Variants in ANK2 observed in about 807,000 individuals in gnomAD.
The protein encoded by ANK2 is ankyrin 2.
ANK2 carries 83 observed loss-of-function variants against 360.5 expected under a neutral mutation model. That is an observed-to-expected ratio of 0.23 (90% CI 0.19 to 0.28). The LOEUF is 0.28. Among genes scored for constraint, ANK2 ranks in the 10% least tolerant of loss-of-function variants. The pLI is 1.00. For missense variants in ANK2, 4,201 were observed against 4,795.7 expected, an observed-to-expected ratio of 0.88 and a Z score of 3.66; for synonymous variants, 1,740 against 1,759.5, an observed-to-expected ratio of 0.99 and a Z score of 0.28.
chr4:113,135,608 T>G (rs1452506065), intron 1 of ANK2, among the ~76,000 whole-genome samples: 1 of 152,016 alleles, frequency 6.6e-6, no homozygotes, highest in Non-Finnish European at 1.5e-5. Context: ...TATATTTCCC[T>G]GACATTAGCA....
intron 1 of ANK2, among the ~76,000 whole-genome samples, chr4:113,171,772 T>C (rs572907432): frequency 1.3e-5 from 2 of 152,332 alleles, no homozygotes; most frequent in Non-Finnish European, 2.9e-5. Context: ...ATGAAAACTT[T>C]TTGTTACTCT....
chr4:113,001,610 C>G (rs537055336), intron 2 of ANK2, among the ~76,000 whole-genome samples: 31 of 152,266 alleles, frequency 2.0e-4, no homozygotes, highest in African/African-American at 7.2e-4. Context: ...AGTGACCCCT[C>G]ATTCTTTATG....
At chr4:112,927,187 G>T (rs1341944258) in intron 2 of ANK2, among the ~76,000 whole-genome samples, 1 of 152,096 alleles carries the variant, frequency 6.6e-6, no homozygotes, top group Non-Finnish European at 1.5e-5. Context: ...TTTGGGTGGG[G>T]ACACAGCCAA....
At position 113,239,610 on chromosome 4, in the gene ANK2, A is replaced by G. The variant is rs1032185751; in HGVS notation, c.694-875A>G. 5.9e-5 allele frequency among the ~76,000 whole-genome samples: 9 copies of G among 152,278 alleles called. No individual in the cohort carries two copies. In the East Asian group the frequency reaches 1.7e-3, roughly 29 times the overall value. On this transcript the variant is annotated intron_variant, in intron 7 of 45. Transcript: ENST00000357077. Reference sequence around the variant, plus strand: ...ATAAGAAAAGAGTTAACATGCTTCTATTGCAAAGATGGCAACAATTTTCAA... The same window carrying G: ...ATAAGAAAAGAGTTAACATGCTTCTGTTGCAAAGATGGCAACAATTTTCAA...
chr4:113,050,471 G>A (rs2066463944), intron 1 of ANK2, among the ~76,000 whole-genome samples: 1 of 152,116 alleles, frequency 6.6e-6, no homozygotes, highest in East Asian at 1.9e-4. Context: ...TCTTACTGTG[G>A]CATACATTCC....
At chr4:113,110,081 G>T (rs561511689) in intron 1 of ANK2, among the ~76,000 whole-genome samples, 2 of 152,288 alleles carry the variant, frequency 1.3e-5, no homozygotes, top group South Asian at 4.1e-4. Context: ...ATATACCAGA[G>T]ACTGGGTAAT....
At chr4:113,329,607 T>C (rs985342020) in intron 26 of ANK2, among the ~76,000 whole-genome samples, 2 of 152,202 alleles carry the variant, frequency 1.3e-5, no homozygotes, top group Admixed American at 6.5e-5. Context: ...ATCCACCTGC[T>C]GTTCATTTCA....
At chr4:113,167,950 A>G (rs1397080133) in intron 1 of ANK2, among the ~76,000 whole-genome samples, 4 of 152,116 alleles carry the variant, frequency 2.6e-5, no homozygotes, top group African/African-American at 9.7e-5. Context: ...TCCTATTCCC[A>G]CTGCTGTAAA....
At chr4:112,852,585 A>C (rs2065268520) in intron 1 of ANK2, among the ~76,000 whole-genome samples, 1 of 152,220 alleles carries the variant, frequency 6.6e-6, no homozygotes, top group Admixed American at 6.5e-5. Context: ...ATATGTTTGA[A>C]GTTAAATATC....
intron 41 of ANK2, among the ~76,000 whole-genome samples, 173 bp from the exon 42 acceptor site, chr4:113,367,393 C>T (rs1010443032): frequency 1.3e-5 from 2 of 152,020 alleles, no homozygotes; most frequent in African/African-American, 2.4e-5. Context: ...CTACATGATC[C>T]GTATCTTGAA....
intron 1 of ANK2, among the ~76,000 whole-genome samples, chr4:113,170,640 C>A (rs932243435): frequency 1.3e-5 from 2 of 152,062 alleles, no homozygotes; most frequent in African/African-American, 4.8e-5. Flanking sequence ...GTGGACATGC[C>A]CCTAGAGCCT....
At chr4:113,176,466 A>AT (rs902310362) in intron 2 of ANK2, among the ~76,000 whole-genome samples, 162 of 151,480 alleles carry the variant, frequency 1.1e-3, no homozygotes, top group African/African-American at 3.5e-3. Flanking sequence ...ATTTTATCTG[A>AT]TTTTTTTTTG....
chr4:113,147,457 A>G (rs2096877100), intron 1 of ANK2, among the ~76,000 whole-genome samples: 1 of 152,204 alleles, frequency 6.6e-6, no homozygotes, highest in African/African-American at 2.4e-5. Flanking sequence ...ATTAATTAAT[A>G]TAGCCTGTTA....
At chr4:112,711,540 G>A in the ANK2 span, among the ~76,000 whole-genome samples, 1 of 151,932 alleles carries the variant, frequency 6.6e-6, no homozygotes, top group African/African-American at 2.4e-5. Context: ...CAACAGGCCG[G>A]GCATGGAGGC....
chr4:112,961,852 C>T (rs972980339), intron 2 of ANK2, among the ~76,000 whole-genome samples: 4 of 152,078 alleles, frequency 2.6e-5, no homozygotes, highest in Non-Finnish European at 4.4e-5. Flanking sequence ...GACTTGAAAA[C>T]CTCTAAAATA....
intron 9 of ANK2, among the ~76,000 whole-genome samples, chr4:113,244,027 A>T (rs1253036863): frequency 6.6e-6 from 1 of 152,196 alleles, no homozygotes; most frequent in Non-Finnish European, 1.5e-5. Flanking sequence ...ATATTTGGGT[A>T]TACAATTAAA....
At chr4:112,826,501 C>T in intron 1 of ANK2, 1 of 1,188,556 alleles carries the variant, frequency 8.4e-7, no homozygotes, top group Non-Finnish European at 1.2e-6. Flanking sequence ...ACTGGGACCA[C>T]ATCTGACAAG....
chr4:113,140,500 G>A (rs538810454), intron 1 of ANK2, among the ~76,000 whole-genome samples: 60 of 152,270 alleles, frequency 3.9e-4, no homozygotes, highest in African/African-American at 1.4e-3. Flanking sequence ...TGATAGTTTA[G>A]TTTAAGAGAA....
intron 4 of ANK2, among the ~76,000 whole-genome samples, chr4:113,224,371 A>G (rs898329848): frequency 6.6e-6 from 1 of 152,234 alleles, no homozygotes; most frequent in Non-Finnish European, 1.5e-5. Flanking sequence ...CCTCTCAGAG[A>G]GAGTAACACT....
Sources: allele counts gnomAD v4.1 joint callset (sites outside exome capture counted in the v4.1 genomes callset), GRCh38; gene constraint gnomAD v4.1.1; transcripts MANE v1.5; gene names NCBI Gene and HGNC (gene_info 2026-07-23, HGNC 2026-07-21).